Variants in SLC35F4 observed in about 807,000 individuals in gnomAD.
The protein encoded by SLC35F4 is chromosome 14 open reading frame 36.
SLC35F4 carries 24 observed loss-of-function variants against 44.2 expected under a neutral mutation model. That is an observed-to-expected ratio of 0.54 (90% confidence interval 0.39 to 0.76). The LOEUF is 0.76. SLC35F4 is among the 30% of genes least tolerant of loss of function. The probability of loss-of-function intolerance (pLI) is 0.00; values close to 1 mark genes in which losing one functional copy is unlikely to be tolerated. For missense variants in SLC35F4, 562 were observed against 586.1 expected (o/e 0.96, Z 0.42); for synonymous variants, 238 against 223.6 (o/e 1.06, Z -0.57).
At chr14:57,882,874 G>A (rs1284002095) in intron 1 of SLC35F4, among the ~76,000 whole-genome samples, 2 of 152,182 alleles carry the variant, frequency 1.3e-5, no homozygotes, top group Non-Finnish European at 2.9e-5. Flanking sequence ...AAGGCTGGGT[G>A]TTCCTCCCCA....
chr14:57,895,608 C>T (rs1009100008), intron 1 of SLC35F4, among the ~76,000 whole-genome samples: 1 of 150,136 alleles, frequency 6.7e-6, no homozygotes, highest in African/African-American at 2.4e-5. Flanking sequence ...CTCTCTGTCT[C>T]TCTCTGTCTG....
In SLC35F4 at chr14:57,717,335, T is replaced by C. The variant is rs1291961128; in HGVS notation, c.104-123211A>G. On this transcript the variant is annotated intron_variant, in intron 1 of 7. Transcript: ENST00000556826. ...CACTAATTCACATTCCTACCAACAG[T>C]GTATAAGAGTTCTTCTTCCAGCTGG... Among the ~76,000 whole-genome samples the C allele has an allele frequency of 3.9e-5, 6 of 152,158 alleles. No homozygotes were observed. In the South Asian group the frequency reaches 8.3e-4, roughly 21 times the overall value.
At chr14:57,585,332 G>C (rs34784901) in intron 3 of SLC35F4, among the ~76,000 whole-genome samples, 49,043 of 151,916 alleles carry the variant, frequency 0.32, 8,015 homozygotes, top group Middle Eastern at 0.37. Flanking sequence ...TGGATGGAAC[G>C]TATCTATCTC....
chr14:57,960,834 AG>A (rs935143181), intron 1 of SLC35F4, among the ~76,000 whole-genome samples: 1 of 152,174 alleles, frequency 6.6e-6, no homozygotes, highest in African/African-American at 2.4e-5. Context: ...GAGGTGGCCC[AG>A]GTCCCTCTGC....
chr14:57,667,159 C>A (rs573428017), intron 1 of SLC35F4, among the ~76,000 whole-genome samples: 7 of 148,438 alleles, frequency 4.7e-5, no homozygotes, highest in African/African-American at 1.7e-4. Flanking sequence ...GATGCATATG[C>A]GCTCCTGTGT....
At chr14:57,740,229 A>G (rs2076571288) in intron 1 of SLC35F4, among the ~76,000 whole-genome samples, 1 of 152,208 alleles carries the variant, frequency 6.6e-6, no homozygotes, top group Non-Finnish European at 1.5e-5. Context: ...ATATAAAAAA[A>G]CCACAGAACT....
chr14:57,765,049 C>G (rs2077203597), intron 1 of SLC35F4, among the ~76,000 whole-genome samples: 1 of 152,178 alleles, frequency 6.6e-6, no homozygotes, highest in South Asian at 2.1e-4. Flanking sequence ...AGGCACTGAT[C>G]TAGGCGCTGC....
chr14:57,564,273 C>T lies in SLC35F4; in HGVS notation c.1320G>A (p.Trp440Ter). The change falls in exon 8 of 8, where the codon TGG becomes TGA. Residue 440 changes from tryptophan (W) to a stop codon, truncating the protein, a stop_gained. Transcript: ENST00000556826. LOFTEE classifies it high-confidence loss of function. Reference protein sequence around the residue: ...GFLLMLLPEEWDEITLRFINS... With the variant: ...GFLLMLLPEE ...TGATGAACCTCAGGGTGATTTCATC[C>T]CATTCCTCAGGCAACAGCATCAGCA... 2.5e-6 allele frequency: 4 copies of T among 1,612,986 alleles called. No homozygotes were observed. The highest frequency in any genetic ancestry group is 3.4e-6 in the Non-Finnish European group (4 of 1,179,552).
intron 1 of SLC35F4, among the ~76,000 whole-genome samples, chr14:57,637,791 C>G (rs538738022): frequency 6.6e-6 from 1 of 152,086 alleles, no homozygotes; most frequent in African/African-American, 2.4e-5. Context: ...AAATAAAATC[C>G]TAATCCCCTC....
At chr14:57,630,534 A>G in intron 1 of SLC35F4, 1 of 1,121,970 alleles carries the variant, frequency 8.9e-7, no homozygotes, top group Non-Finnish European at 1.4e-6. Context: ...TCAAAAATAG[A>G]TTCCAAAACA....
chr14:57,868,457 A>C (rs1888227915), upstream of SLC35F4, among the ~76,000 whole-genome samples: 1 of 151,210 alleles, frequency 6.6e-6, no homozygotes. Flanking sequence ...AATTTACAGA[A>C]ATTATTTTGA....
intron 1 of SLC35F4, among the ~76,000 whole-genome samples, chr14:57,742,620 A>T (rs1594937380): frequency 6.6e-6 from 1 of 152,310 alleles, no homozygotes; most frequent in East Asian, 1.9e-4. Flanking sequence ...ATGCAATAAT[A>T]ATGGGAGACT....
At chr14:57,758,234 A>C (rs1445724255) in intron 1 of SLC35F4, among the ~76,000 whole-genome samples, 1 of 151,958 alleles carries the variant, frequency 6.6e-6, no homozygotes, top group East Asian at 1.9e-4. Flanking sequence ...AGTTTTCTTC[A>C]TGTTTCTCAT....
intron 1 of SLC35F4, among the ~76,000 whole-genome samples, chr14:57,889,123 A>T (rs931408119): frequency 6.6e-6 from 1 of 152,204 alleles, no homozygotes; most frequent in African/African-American, 2.4e-5. Context: ...TAGTTTAACC[A>T]TGTATTTAGC....
intron 1 of SLC35F4, among the ~76,000 whole-genome samples, chr14:57,923,201 ACT>A (rs1889476544): frequency 6.6e-6 from 1 of 152,212 alleles, no homozygotes; most frequent in Admixed American, 6.5e-5. Flanking sequence ...TCCTTCAAAC[ACT>A]TTCTCAAAGT....
At chr14:57,613,614 C>A (rs966797579) in intron 1 of SLC35F4, among the ~76,000 whole-genome samples, 1 of 152,214 alleles carries the variant, frequency 6.6e-6, no homozygotes, top group Non-Finnish European at 1.5e-5. Context: ...AGATTCAGCA[C>A]AAATTTCTAT....
At chr14:57,603,225 A>G (rs2070934588) in intron 1 of SLC35F4, among the ~76,000 whole-genome samples, 1 of 152,244 alleles carries the variant, frequency 6.6e-6, no homozygotes, top group East Asian at 1.9e-4. Flanking sequence ...TTTGTGTGTG[A>G]TAGTCCTGAT....
At chr14:57,875,583 G>GT (rs1490965792) in intron 1 of SLC35F4, among the ~76,000 whole-genome samples, 11 of 152,338 alleles carry the variant, frequency 7.2e-5, no homozygotes, top group African/African-American at 2.6e-4. Context: ...CACACGTCTA[G>GT]TGGATGGGAG....
chr14:57,802,628 G>A (rs1183497200), intron 1 of SLC35F4, among the ~76,000 whole-genome samples: 2 of 151,982 alleles, frequency 1.3e-5, no homozygotes, highest in East Asian at 1.9e-4. Context: ...AATGATAAAG[G>A]GGACATTACC....
Sources: allele counts gnomAD v4.1 joint callset (sites outside exome capture counted in the v4.1 genomes callset), GRCh38; gene constraint gnomAD v4.1.1; transcripts MANE v1.5; gene names NCBI Gene and HGNC (gene_info 2026-07-23, HGNC 2026-07-21).